CALR: variants seen among roughly 807,000 people sequenced by gnomAD.
CALR encodes the protein CRP55.
In CALR, 15 loss-of-function variants were observed where a neutral mutation model predicts 51.1. That is an observed-to-expected ratio of 0.29 (90% CI 0.20 to 0.45). The LOEUF (loss-of-function observed/expected upper bound fraction) is 0.45. CALR is among the 20% of genes least tolerant of loss of function. The pLI is 1.00. For synonymous variants in CALR, 239 were observed against 205.9 expected, an observed-to-expected ratio of 1.16 and a Z score of -1.38; for missense variants, 477 against 530.6, an observed-to-expected ratio of 0.90 and a Z score of 0.99.
chr19:12,940,960 A>G, intron 7 of CALR, 73 bp downstream of exon 7: 1 of 1,462,768 alleles, frequency 6.8e-7, no homozygotes, highest in Non-Finnish European at 9.6e-7. Flanking sequence ...GGAAAGGGAC[A>G]GGGTAGGCAC....
intron 7 of CALR, 102 bp from the exon 8 acceptor site, chr19:12,943,435 A>G (rs1971575197): frequency 1.0e-6 from 1 of 982,340 alleles, no homozygotes; most frequent in Non-Finnish European, 1.6e-6. Flanking sequence ...CTGCAGATGC[A>G]GGCAGCAGAA....
chr19:12,943,075 A>ATATT (rs1971570422), intron 7 of CALR: 1 of 136,564 alleles, frequency 7.3e-6, no homozygotes, highest in Non-Finnish European at 1.4e-5. Context: ...CCATCTTTCC[A>ATATT]TCTTTTTTTT....
chr19:12,939,265 C>T, intron 2 of CALR, 30 bp downstream of exon 2: 3 of 1,514,696 alleles, frequency 2.0e-6, no homozygotes, highest in Non-Finnish European at 2.7e-6. Context: ...TGCTCAGATC[C>T]GGGAGGACTT....
At chr19:12,943,374 C>A in intron 7 of CALR, 163 bp from the exon 8 acceptor site, 1 of 708,758 alleles carries the variant, frequency 1.4e-6, no homozygotes, top group South Asian at 1.6e-5. Flanking sequence ...TCCACCTCAC[C>A]TGGCCTCTCC....
At chr19:12,942,176 G>T in intron 7 of CALR, among the ~76,000 whole-genome samples, 1 of 151,880 alleles carries the variant, frequency 6.6e-6, no homozygotes, top group East Asian at 2.0e-4. Flanking sequence ...TGGCTAACAT[G>T]GTGAATGAAA....
At position 12,938,627 on chromosome 19, in the gene CALR, C is replaced by T. The variant is rs1261957899; in HGVS notation, c.-53C>T. 14 of 1,406,620 alleles carry T rather than the reference C, an allele frequency of 1.0e-5. No homozygotes were observed. Among genetic ancestry groups the T allele is most frequent in the Admixed American group, 1.9e-5 (1 of 52,428 alleles). The allele number at this position is 1,406,620 out of a possible 1,614,324, so 87.1% of individuals were successfully genotyped here. ...GGCGTCCGTCCGTACTGCAGAGCCG[C>T]TGCCGGAGGGTCGTTTTAAAGGGCC... On this transcript the variant is annotated 5_prime_UTR_variant, in exon 1 of 9. Coordinates refer to ENST00000316448, the MANE Select transcript of CALR (RefSeq NM_004343.4).
chr19:12,943,077 CTTTTTTTTTTTTTT>C (rs56396276), intron 7 of CALR: 1 of 77,218 alleles, frequency 1.3e-5, no homozygotes, highest in East Asian at 4.5e-4. Flanking sequence ...ATCTTTCCAT[CTTTTTTTTTTTTTT>C]TTTTTTTTTT....
In CALR at chr19:12,939,449, C is replaced by T. The variant is rs1278938364; in HGVS notation, c.215C>T (p.Ala72Val). The change falls in exon 3 of 9, where the codon GCA (alanine) becomes GTA (valine). Residue 72 changes from alanine to valine, a missense_variant. Ala to Val is a moderately conservative substitution (Grantham distance 64). Coordinates refer to ENST00000316448, the MANE Select transcript of CALR (RefSeq NM_004343.4). ...KDKGLQTSQD[A>V]RFYALSASFE... is the part of the protein sequence containing the mutation. ...TCAGGTTTGCAGACAAGCCAGGATGCACGCTTTTATGCTCTGTCGGCCAGT... is the reference window on the plus strand; with the variant it reads ...TCAGGTTTGCAGACAAGCCAGGATGTACGCTTTTATGCTCTGTCGGCCAGT... 1.2e-6 allele frequency: 2 copies of T among 1,612,434 alleles called. No individual in the cohort carries two copies. Among genetic ancestry groups the T allele is most frequent in the South Asian group, 1.1e-5 (1 of 91,000 alleles).
Position 12,940,163 on chromosome 19 carries a change from G to A in CALR, c.492+16G>A. 1.2e-6 allele frequency: 2 copies of A among 1,612,558 alleles called. No individual in the cohort carries two copies. The highest frequency in any genetic ancestry group is 1.3e-5 in the African/African-American group (1 of 75,040). On this transcript the variant is annotated intron_variant, in intron 4 of 8. Coordinates refer to ENST00000316448, the MANE Select transcript of CALR (RefSeq NM_004343.4). ...CCGTTGCAAGGTGTGCCTGGGGGTGGTGGCAAATGGCTGTCATGGGGAGAT... is the reference window on the plus strand; with the variant it reads ...CCGTTGCAAGGTGTGCCTGGGGGTGATGGCAAATGGCTGTCATGGGGAGAT...
At chr19:12,942,848 C>T (rs1202800137) in intron 7 of CALR, among the ~76,000 whole-genome samples, 1 of 151,672 alleles carries the variant, frequency 6.6e-6, no homozygotes, top group Non-Finnish European at 1.5e-5. Flanking sequence ...CCTCTGCATC[C>T]CAGATTCAAG....
At chr19:12,939,112 A>C in intron 1 of CALR, 22 bp from the exon 2 acceptor site, 7 of 1,438,984 alleles carry the variant, frequency 4.9e-6, no homozygotes, top group Non-Finnish European at 6.8e-6. Flanking sequence ...GCTCTGACCT[A>C]CCCCTCTAAT....
At position 12,940,661 on chromosome 19, in the gene CALR, TTGGGGCTCTGAGCAGGGC is replaced by T; in HGVS notation, c.816+16_816+33del. Reference sequence around the variant, plus strand: ...TCAGAACCCTGAGTACAAGGTGAGTTTGGGGCTCTGAGCAGGGCTGGGGCTCACAGTGGGGAGTGCACC... The same window carrying T: ...TCAGAACCCTGAGTACAAGGTGAGTTTGGGGCTCACAGTGGGGAGTGCACC... On this transcript the variant is annotated splice_region_variant and intron_variant, in intron 6 of 8. Coordinates refer to ENST00000316448, the MANE Select transcript of CALR (RefSeq NM_004343.4). 6.2e-7 allele frequency: 1 copy of T among 1,613,986 alleles called. No individual in the cohort carries two copies. The highest frequency in any genetic ancestry group is 8.5e-7 in the Non-Finnish European group (1 of 1,179,876).
rs1401073414 is a variant in CALR at position 12,944,275 on chromosome 19, C to A, written c.*362C>A. The stretch of plus-strand genomic sequence containing the variant: ...ACAGGCCTGAGATTTCATCTGCTCT[C>A]CTTCCTGGAGCCCAGAGGAGGGCAG... On this transcript the variant is annotated 3_prime_UTR_variant, in exon 9 of 9. Coordinates refer to ENST00000316448, the MANE Select transcript of CALR (RefSeq NM_004343.4). 2 of 413,384 alleles carry A rather than the reference C, an allele frequency of 4.8e-6. No homozygotes were observed. Among genetic ancestry groups the A allele is most frequent in the Non-Finnish European group, 9.0e-6 (2 of 222,328 alleles). The allele number at this position is 413,384 out of a possible 1,614,324, so 25.6% of individuals were successfully genotyped here. A position where few individuals can be genotyped will look rare whatever the true frequency, so the allele number is the denominator to read the frequency against.
intron 3 of CALR, 65 bp downstream of exon 3, chr19:12,939,696 G>T: frequency 7.2e-7 from 1 of 1,388,734 alleles, no homozygotes; most frequent in Admixed American, 1.7e-5. Context: ...AGACCCCATT[G>T]ACTTTCTTAA....
At chr19:12,942,256 G>A (rs140622738) in intron 7 of CALR, among the ~76,000 whole-genome samples, 6 of 151,582 alleles carry the variant, frequency 4.0e-5, no homozygotes, top group Non-Finnish European at 2.9e-5. Flanking sequence ...CCAGCTACTC[G>A]GGAGGCTGAG....
Position 12,940,167 on chromosome 19 carries a change from C to T in CALR, c.492+20C>T. ...TGCAAGGTGTGCCTGGGGGTGGTGG[C>T]AAATGGCTGTCATGGGGAGATTCAG... On this transcript the variant is annotated intron_variant, in intron 4 of 8. Coordinates refer to ENST00000316448, the MANE Select transcript of CALR (RefSeq NM_004343.4). 6.2e-7 allele frequency: 1 copy of T among 1,611,670 alleles called. No homozygotes were observed. The highest frequency in any genetic ancestry group is 8.5e-7 in the Non-Finnish European group (1 of 1,177,724).
chr19:12,941,376 C>T (rs1443279947), intron 7 of CALR, among the ~76,000 whole-genome samples: 1 of 151,950 alleles, frequency 6.6e-6, no homozygotes, highest in South Asian at 2.1e-4. Context: ...GCTCACTGCG[C>T]CCTCCGTCTC....
At chr19:12,939,078 G>T (rs895163462) in intron 1 of CALR, 56 bp from the exon 2 acceptor site, 5 of 1,017,692 alleles carry the variant, frequency 4.9e-6, no homozygotes, top group Non-Finnish European at 7.6e-6. Flanking sequence ...CAGATGTTTG[G>T]TGTGGGGGGG....
chr19:12,943,997 C>CTCTGT lies in CALR; in HGVS notation c.*84_*85insTCTGT, dbSNP rs1971590612. 1 of 1,571,156 alleles carries CTCTGT rather than the reference C, an allele frequency of 6.4e-7. No homozygotes were observed. Among genetic ancestry groups the CTCTGT allele is most frequent in the Non-Finnish European group, 8.6e-7 (1 of 1,157,180 alleles). ...CGCCAAATAATGTCTCTGTGAGACTCGAGAACTTTCATTTTTTTCCAGGCT... is the reference window on the plus strand; with the variant it reads ...CGCCAAATAATGTCTCTGTGAGACTCTCTGTGAGAACTTTCATTTTTTTCCAGGCT... On this transcript the variant is annotated 3_prime_UTR_variant, in exon 9 of 9. Transcript: ENST00000316448.
Sources: allele counts gnomAD v4.1 joint callset (sites outside exome capture counted in the v4.1 genomes callset), GRCh38; gene constraint gnomAD v4.1.1; transcripts MANE v1.5; gene names NCBI Gene and HGNC (gene_info 2026-07-23, HGNC 2026-07-21).